CNGB3: variants seen among roughly 807,000 people sequenced by gnomAD.
The protein encoded by CNGB3 is cyclic nucleotide-gated channel beta-3.
Under a neutral mutation model 92.8 loss-of-function variants are expected in CNGB3, and 86 were observed. The observed-to-expected ratio is 0.93, with a 90% CI of 0.78 to 1.11. The LOEUF (loss-of-function observed/expected upper bound fraction) is 1.11. Among genes scored for constraint, CNGB3 ranks in the 50% least tolerant of loss-of-function variants. The pLI, the probability that CNGB3 is intolerant of heterozygous loss-of-function variation, is 0.00. For synonymous variants in CNGB3, 333 were observed against 332.7 expected (o/e 1.00, Z -0.01); for missense variants, 1,026 against 956.8 (o/e 1.07, Z -0.95).
intron 10 of CNGB3, among the ~76,000 whole-genome samples, chr8:86,636,796 G>A (rs1823080600): frequency 6.6e-6 from 1 of 151,776 alleles, no homozygotes; most frequent in African/African-American, 2.4e-5. Context: ...CTACTACTAC[G>A]AAATTGACTC....
intron 3 of CNGB3, among the ~76,000 whole-genome samples, chr8:86,698,352 T>C (rs1435959475): frequency 6.6e-6 from 1 of 152,242 alleles, no homozygotes; most frequent in Non-Finnish European, 1.5e-5. Flanking sequence ...ATTATGACTT[T>C]ATAGTCTAGG....
Position 86,579,202 on chromosome 8 carries a change from T to C in CNGB3, c.1832A>G (p.His611Arg). 6.2e-7 allele frequency: 1 copy of C among 1,614,208 alleles called. No homozygotes were observed. The highest frequency in any genetic ancestry group is 1.1e-5 in the South Asian group (1 of 91,086). The change falls in exon 16 of 18, where the codon CAC becomes CGC. Residue 611 changes from histidine to arginine, a missense_variant. Physicochemically the swap from His to Arg is conservative, Grantham distance 29. Transcript: ENST00000320005. ...GNRRTANVVA[H>R]GFANLLTLDK... ...TAGAGTTAAAAGATTGGCAAACCCGTGGGCCACCACATTGGCAGTTCGACG... is the reference window on the plus strand; with the variant it reads ...TAGAGTTAAAAGATTGGCAAACCCGCGGGCCACCACATTGGCAGTTCGACG...
intron 6 of CNGB3, among the ~76,000 whole-genome samples, chr8:86,663,265 AG>A (rs1445900069): frequency 2.0e-5 from 3 of 152,220 alleles, no homozygotes; most frequent in Non-Finnish European, 4.4e-5. Flanking sequence ...GGTTTAGCAA[AG>A]GGCTGTGCAT....
intron 2 of CNGB3, among the ~76,000 whole-genome samples, chr8:86,737,612 G>C (rs13262936): frequency 0.48 from 72,597 of 151,748 alleles, 17,740 homozygotes; most frequent in South Asian, 0.69. Context: ...TTAGGTTCAG[G>C]AGTACATGTG....
intron 4 of CNGB3, among the ~76,000 whole-genome samples, chr8:86,670,711 G>A (rs922244684): frequency 6.6e-6 from 1 of 151,970 alleles, no homozygotes; most frequent in Non-Finnish European, 1.5e-5. Flanking sequence ...ACTGCACCCT[G>A]CCAGGTGTGA....
At chr8:86,653,104 T>C (rs1585994360) in intron 7 of CNGB3, among the ~76,000 whole-genome samples, 1 of 152,232 alleles carries the variant, frequency 6.6e-6, no homozygotes, top group Non-Finnish European at 1.5e-5. Flanking sequence ...ACCATCACCA[T>C]ATATGTGGTC....
chr8:86,715,774 A>G (rs1279865632), intron 3 of CNGB3, among the ~76,000 whole-genome samples: 1 of 140,204 alleles, frequency 7.1e-6, no homozygotes, highest in Non-Finnish European at 1.5e-5. Flanking sequence ...AAGGAAAACA[A>G]TGAGAACACA....
Position 86,611,599 on chromosome 8 carries a change from C to A in CNGB3, c.1651G>T (p.Val551Phe). ...KSVLYLPGDF[V>F]CKKGEIGKEM... Reference sequence around the variant, plus strand: ...TAGCATGCACTCACCTTTTTGCAGACAAAGTCACCAGGCAAATAGAGAACG... The same window carrying A: ...TAGCATGCACTCACCTTTTTGCAGAAAAAGTCACCAGGCAAATAGAGAACG... The change falls in exon 14 of 18, where the codon GTC (valine) becomes TTC (phenylalanine). Residue 551 changes from valine to phenylalanine, a missense_variant. Val to Phe is a conservative substitution (Grantham distance 50). Coordinates refer to ENST00000320005, the MANE Select transcript of CNGB3 (RefSeq NM_019098.5). The A allele has an allele frequency of 6.2e-7, 1 of 1,612,934 alleles. No homozygotes were observed. Among genetic ancestry groups the A allele is most frequent in the African/African-American group, 1.3e-5 (1 of 74,958 alleles).
intron 3 of CNGB3, among the ~76,000 whole-genome samples, chr8:86,676,331 T>C (rs1823968107): frequency 6.6e-6 from 1 of 152,044 alleles, no homozygotes; most frequent in Non-Finnish European, 1.5e-5. Flanking sequence ...AGCACTTTGA[T>C]AATATAAAGG....
intron 6 of CNGB3, among the ~76,000 whole-genome samples, chr8:86,666,302 T>C (rs965806719): frequency 2.6e-5 from 4 of 152,174 alleles, no homozygotes; most frequent in Non-Finnish European, 4.4e-5. Flanking sequence ...TTAGGTAAAA[T>C]ATGTGGATAG....
intron 15 of CNGB3, among the ~76,000 whole-genome samples, chr8:86,587,120 C>A (rs1168629269): frequency 7.1e-6 from 1 of 140,170 alleles, no homozygotes; most frequent in Non-Finnish European, 1.6e-5. Flanking sequence ...TGTTTTTTGG[C>A]TGCATAAATG....
intron 10 of CNGB3, among the ~76,000 whole-genome samples, chr8:86,637,919 T>A (rs1823104545): frequency 6.6e-6 from 1 of 152,124 alleles, no homozygotes; most frequent in Non-Finnish European, 1.5e-5. Context: ...CCTGTTCTAA[T>A]TTTTTTCTAC....
intron 3 of CNGB3, among the ~76,000 whole-genome samples, chr8:86,701,555 G>A (rs1261096061): frequency 2.0e-5 from 3 of 152,104 alleles, no homozygotes; most frequent in Non-Finnish European, 4.4e-5. Flanking sequence ...GCTCTCTGTG[G>A]ACTGCTTGAA....
chr8:86,607,239 T>C (rs889603033), intron 14 of CNGB3, among the ~76,000 whole-genome samples: 5 of 152,236 alleles, frequency 3.3e-5, no homozygotes, highest in Non-Finnish European at 5.9e-5. Flanking sequence ...TCTAGGCTAA[T>C]TTAAGCCTTT....
At chr8:86,585,767 T>A (rs987057854) in intron 15 of CNGB3, among the ~76,000 whole-genome samples, 2 of 152,130 alleles carry the variant, frequency 1.3e-5, no homozygotes, top group Admixed American at 1.3e-4. Context: ...AACTTCATAT[T>A]CTTGCGATAG....
chr8:86,646,661 A>G (rs1823296272), intron 8 of CNGB3, among the ~76,000 whole-genome samples: 4 of 151,178 alleles, frequency 2.6e-5, no homozygotes. Flanking sequence ...TTACCAGGTT[A>G]TGTTATCTTG....
rs189489175 is a variant in CNGB3 at position 86,626,955 on chromosome 8, A to G, written c.1481-875T>C. ...ATAGAGATTATTTCATCACCCAGGTATTAAGTTTAGTACCTATTCATCGTT... is the reference window on the plus strand; with the variant it reads ...ATAGAGATTATTTCATCACCCAGGTGTTAAGTTTAGTACCTATTCATCGTT... On this transcript the variant is annotated intron_variant, in intron 12 of 17. Transcript: ENST00000320005. 1.3e-3 allele frequency among the ~76,000 whole-genome samples: 205 copies of G among 152,090 alleles called. 2 individuals are homozygous for G. The highest frequency in any genetic ancestry group is 4.7e-3 in the African/African-American group (195 of 41,486).
intron 3 of CNGB3, among the ~76,000 whole-genome samples, chr8:86,709,230 A>G (rs1307430519): frequency 1.3e-5 from 2 of 152,222 alleles, no homozygotes; most frequent in East Asian, 3.9e-4. Flanking sequence ...TTATAGAAGT[A>G]GAAGCTGATA....
chr8:86,604,764 T>C (rs1438106329), intron 14 of CNGB3, among the ~76,000 whole-genome samples: 1 of 152,306 alleles, frequency 6.6e-6, no homozygotes, highest in Admixed American at 6.5e-5. Context: ...CTTTGGGGAC[T>C]CTTGGGACCA....
Sources: allele counts gnomAD v4.1 joint callset (sites outside exome capture counted in the v4.1 genomes callset), GRCh38; gene constraint gnomAD v4.1.1; transcripts MANE v1.5; gene names NCBI Gene and HGNC (gene_info 2026-07-23, HGNC 2026-07-21).